PNOC: variants seen among roughly 807,000 people sequenced by gnomAD.
PNOC encodes the protein nociceptin.
Under a neutral mutation model 15.6 loss-of-function variants are expected in PNOC, and 10 were observed. The observed-to-expected ratio is 0.64, with a 90% CI of 0.40 to 1.09. PNOC has a LOEUF of 1.09. PNOC is among the 50% of genes least tolerant of loss of function. PNOC has a pLI of 0.01. For missense variants in PNOC, 220 were observed against 223.9 expected, an observed-to-expected ratio of 0.98 and a Z score of 0.11; for synonymous variants, 98 against 88.5, an observed-to-expected ratio of 1.11 and a Z score of -0.60.
At chr8:28,329,624 A>G (rs1187669583) in intron 2 of PNOC, among the ~76,000 whole-genome samples, 1 of 152,218 alleles carries the variant, frequency 6.6e-6, no homozygotes, top group Non-Finnish European at 1.5e-5. Context: ...CCAGTCAGAG[A>G]AAGAATCCTA....
At chr8:28,318,935 T>C (rs748862564) in intron 1 of PNOC, among the ~76,000 whole-genome samples, 1 of 152,246 alleles carries the variant, frequency 6.6e-6, no homozygotes, top group Non-Finnish European at 1.5e-5. Flanking sequence ...CTGTGCTCCC[T>C]GGAGCCTATG....
chr8:28,341,254 C>T (rs1211811425), intron 3 of PNOC, among the ~76,000 whole-genome samples: 1 of 152,168 alleles, frequency 6.6e-6, no homozygotes, highest in Non-Finnish European at 1.5e-5. Flanking sequence ...CAAATATGGA[C>T]ACGTGTATTA....
chr8:28,337,837 C>T (rs193174012), intron 2 of PNOC, among the ~76,000 whole-genome samples: 7 of 151,910 alleles, frequency 4.6e-5, no homozygotes, highest in East Asian at 1.9e-4. Flanking sequence ...GTGATCCACC[C>T]GCCTCGGCCT....
chr8:28,337,289 C>A (rs1029313879), intron 2 of PNOC, among the ~76,000 whole-genome samples: 1 of 150,720 alleles, frequency 6.6e-6, no homozygotes, highest in African/African-American at 2.4e-5. Context: ...TTGGAAACCC[C>A]ATCTGATGCC....
chr8:28,335,837 G>GT (rs1801402497), intron 2 of PNOC, among the ~76,000 whole-genome samples: 1 of 151,804 alleles, frequency 6.6e-6, no homozygotes, highest in Non-Finnish European at 1.5e-5. Flanking sequence ...CCGAAATTCT[G>GT]TTTTTAAAAG....
intron 1 of PNOC, among the ~76,000 whole-genome samples, chr8:28,318,227 C>T (rs960717522): frequency 1.3e-5 from 2 of 152,160 alleles, no homozygotes; most frequent in African/African-American, 4.8e-5. Context: ...CCCCGAATCT[C>T]GCTCTGAACA....
At chr8:28,324,932 A>G (rs7840629) in intron 1 of PNOC, among the ~76,000 whole-genome samples, 3,492 of 152,200 alleles carry the variant, frequency 0.023, 76 homozygotes, top group Non-Finnish European at 0.04. Flanking sequence ...TTTCGTATAT[A>G]TTCTTATTGC....
intron 1 of PNOC, among the ~76,000 whole-genome samples, chr8:28,320,300 C>T (rs1396812679): frequency 6.6e-6 from 1 of 151,614 alleles, no homozygotes; most frequent in Non-Finnish European, 1.5e-5. Flanking sequence ...CCCCACCCTC[C>T]TTCCCCATTC....
chr8:28,327,038 G>C (rs1376793967), intron 1 of PNOC, among the ~76,000 whole-genome samples: 2 of 152,100 alleles, frequency 1.3e-5, no homozygotes, highest in African/African-American at 4.8e-5. Flanking sequence ...AGTCATTTTT[G>C]GTTTTCTACA....
chr8:28,319,993 T>A (rs1465674651), intron 1 of PNOC, among the ~76,000 whole-genome samples: 1 of 151,966 alleles, frequency 6.6e-6, no homozygotes, highest in Non-Finnish European at 1.5e-5. Flanking sequence ...GGCAAGCCAG[T>A]TTTCTGGGCA....
At chr8:28,329,437 C>G (rs1177586221) in intron 2 of PNOC, among the ~76,000 whole-genome samples, 154 bp downstream of exon 2, 1 of 152,202 alleles carries the variant, frequency 6.6e-6, no homozygotes, top group African/African-American at 2.4e-5. Context: ...ACAGATCAGA[C>G]AGGAGCTGCT....
rs533184690 is a variant in PNOC at position 28,338,582 on chromosome 8, A to T, written c.127-458A>T. 9.5e-4 allele frequency: 943 copies of T among 987,890 alleles called. 1 individual carries two copies. Among genetic ancestry groups the T allele is most frequent in the Non-Finnish European group, 1.1e-3 (884 of 831,692 alleles). 61.2% of individuals were successfully genotyped at this position (987,890 alleles called of 1,614,324 possible). A position where few individuals can be genotyped will look rare whatever the true frequency, so the allele number is the denominator to read the frequency against. On this transcript the variant is annotated intron_variant, in intron 2 of 3. Transcript: ENST00000301908. ...TGGTGACCTTAAAATAAACCTGCAG[A>T]TTTGACTACATACTTTCACATCCCC... is the stretch of plus-strand genomic sequence containing the variant.
intron 3 of PNOC, among the ~76,000 whole-genome samples, 180 bp from the exon 4 acceptor site, chr8:28,342,762 G>A (rs1038018691): frequency 1.3e-5 from 2 of 152,184 alleles, no homozygotes; most frequent in East Asian, 1.9e-4. Flanking sequence ...CAGTAGACCC[G>A]GGGCTGGGGG....
chr8:28,333,620 G>C (rs1285091891), intron 2 of PNOC, among the ~76,000 whole-genome samples: 1 of 152,196 alleles, frequency 6.6e-6, no homozygotes, highest in Non-Finnish European at 1.5e-5. Context: ...AGTGCATCAA[G>C]TCTGGGTATG....
rs796269575 is a variant in PNOC at position 28,330,399 on chromosome 8, T to TTATTTTTTTTTTTTTTTTA, written c.126+1117_126+1118insATTTTTTTTTTTTTTTTAT. Among the ~76,000 whole-genome samples, 36 of 104,136 alleles carry TTATTTTTTTTTTTTTTTTA rather than the reference T, an allele frequency of 3.5e-4. 1 individual carries two copies. Among genetic ancestry groups the TTATTTTTTTTTTTTTTTTA allele is most frequent in the Non-Finnish European group, 5.8e-4 (27 of 46,738 alleles). The allele number at this position is 104,136 out of a possible 152,430, so 68.3% of individuals were successfully genotyped here. ...TTATTTTATTTTATTTTATTTTATT[T>TTATTTTTTTTTTTTTTTTA]TTTTTTTTTTTTTGAGACGGAGTCT... On this transcript the variant is annotated intron_variant, in intron 2 of 3. Coordinates refer to ENST00000301908, the MANE Select transcript of PNOC (RefSeq NM_006228.5).
At chr8:28,317,848 T>C (rs1563324684) in intron 1 of PNOC, among the ~76,000 whole-genome samples, 1 of 152,100 alleles carries the variant, frequency 6.6e-6, no homozygotes, top group Non-Finnish European at 1.5e-5. Context: ...GGAGCCCTTC[T>C]CCCTTCTGCC....
intron 1 of PNOC, among the ~76,000 whole-genome samples, chr8:28,327,781 G>T (rs1801249880): frequency 6.6e-6 from 1 of 151,698 alleles, no homozygotes; most frequent in South Asian, 2.1e-4. Flanking sequence ...CTCCCAAAGT[G>T]CTGGGATTAC....
At chr8:28,329,088 C>A (rs1411010707) in intron 1 of PNOC, 47 bp from the exon 2 acceptor site, 5 of 1,588,002 alleles carry the variant, frequency 3.1e-6, no homozygotes, top group Non-Finnish European at 4.3e-6. Context: ...CCTGAGCAGC[C>A]CTCCGAGAAT....
chr8:28,324,757 G>A (rs912047565), intron 1 of PNOC, among the ~76,000 whole-genome samples: 1 of 152,130 alleles, frequency 6.6e-6, no homozygotes, highest in Non-Finnish European at 1.5e-5. Flanking sequence ...CAGCTACTGA[G>A]GAGGCTGAGG....
Sources: gnomAD v4.1 joint callset for allele counts (sites outside exome capture counted in the v4.1 genomes callset) on GRCh38, gnomAD v4.1.1 for gene constraint, MANE v1.5 for transcripts, NCBI Gene and HGNC (gene_info 2026-07-23, HGNC 2026-07-21) for gene names.